The following VSTM2L variants were observed in gnomAD, a reference collection of about 807,000 sequenced individuals.
VSTM2L encodes V-set and transmembrane domain containing 2 like.
Under a neutral mutation model 19.9 loss-of-function variants are expected in VSTM2L, and 9 were observed. The observed-to-expected ratio is 0.45, with a 90% confidence interval of 0.27 to 0.79. VSTM2L has a LOEUF of 0.79. VSTM2L is among the 30% of genes least tolerant of loss of function. The pLI is 0.15. For synonymous variants in VSTM2L, 127 were observed against 133.8 expected, an observed-to-expected ratio of 0.95 and a Z score of 0.35; for missense variants, 286 against 295.5, an observed-to-expected ratio of 0.97 and a Z score of 0.24.
At chr20:37,932,995 T>C (rs545263251) in intron 2 of VSTM2L, among the ~76,000 whole-genome samples, 1 of 152,380 alleles carries the variant, frequency 6.6e-6, no homozygotes, top group East Asian at 1.9e-4. Flanking sequence ...CTTCCAGCCC[T>C]GCCACATGCA....
chr20:37,912,644 C>G (rs6021827), intron 1 of VSTM2L, among the ~76,000 whole-genome samples: 3 of 152,198 alleles, frequency 2.0e-5, no homozygotes, highest in African/African-American at 7.2e-5. Flanking sequence ...TCCCTGCCAC[C>G]TGCACACTGG....
At chr20:37,904,346 C>T (rs746261603) in intron 1 of VSTM2L, among the ~76,000 whole-genome samples, 39 of 152,230 alleles carry the variant, frequency 2.6e-4, no homozygotes, top group Non-Finnish European at 4.7e-4. Flanking sequence ...CATCCTCGGC[C>T]CTAGAGGACT....
chr20:37,906,296 G>A (rs181624945), intron 1 of VSTM2L, among the ~76,000 whole-genome samples: 30 of 152,164 alleles, frequency 2.0e-4, no homozygotes, highest in African/African-American at 6.8e-4. Context: ...GGGCTTTTTC[G>A]AGGTGTGAGG....
At chr20:37,943,285 G>A (rs938975722) in intron 3 of VSTM2L, among the ~76,000 whole-genome samples, 7 of 150,598 alleles carry the variant, frequency 4.6e-5, no homozygotes, top group African/African-American at 1.7e-4. Flanking sequence ...GGCCTGGTTT[G>A]GTTTTTAAAA....
At chr20:37,904,462 A>C (rs934778281) in intron 1 of VSTM2L, among the ~76,000 whole-genome samples, 1 of 152,238 alleles carries the variant, frequency 6.6e-6, no homozygotes, top group African/African-American at 2.4e-5. Flanking sequence ...GCCCCGAAGG[A>C]GCCCAAGTTG....
chr20:37,911,257 A>AAG (rs58834461), intron 1 of VSTM2L, among the ~76,000 whole-genome samples: 21,676 of 129,176 alleles, frequency 0.17, 2,082 homozygotes, highest in African/African-American at 0.35. Flanking sequence ...AAAAAAAAAA[A>AAG]AAGCTGGGAT....
intron 1 of VSTM2L, among the ~76,000 whole-genome samples, chr20:37,906,151 C>T (rs909307283): frequency 2.6e-5 from 4 of 151,968 alleles, no homozygotes; most frequent in Non-Finnish European, 4.4e-5. Context: ...GAGCCCAGCC[C>T]GGCCGCCGGG....
intron 1 of VSTM2L, among the ~76,000 whole-genome samples, chr20:37,928,741 C>A (rs544167695): frequency 6.6e-6 from 1 of 152,224 alleles, no homozygotes; most frequent in African/African-American, 2.4e-5. Context: ...GACAACAGAG[C>A]GAGACCCTGT....
chr20:37,915,842 G>A (rs1289647559), intron 1 of VSTM2L, among the ~76,000 whole-genome samples: 1 of 152,092 alleles, frequency 6.6e-6, no homozygotes, highest in Non-Finnish European at 1.5e-5. Flanking sequence ...CACCCTCAGA[G>A]CCTCTGTTCT....
intron 1 of VSTM2L, among the ~76,000 whole-genome samples, chr20:37,930,334 A>G (rs1299825778): frequency 6.6e-6 from 1 of 152,020 alleles, no homozygotes; most frequent in Admixed American, 6.6e-5. Flanking sequence ...CTCCTAGCCC[A>G]GGACTCCCTC....
At chr20:37,911,235 C>CA (rs11352183) in intron 1 of VSTM2L, among the ~76,000 whole-genome samples, 1,961 of 44,630 alleles carry the variant, frequency 0.044, 58 homozygotes, top group East Asian at 0.12. Flanking sequence ...GACTCCATCT[C>CA]AAAAAAAAAA....
At chr20:37,922,497 A>T (rs2072857238) in intron 1 of VSTM2L, among the ~76,000 whole-genome samples, 1 of 152,108 alleles carries the variant, frequency 6.6e-6, no homozygotes, top group Non-Finnish European at 1.5e-5. Flanking sequence ...CAGTGGGGCC[A>T]CGTTGGTTCT....
intron 3 of VSTM2L, among the ~76,000 whole-genome samples, chr20:37,943,327 T>G (rs2072984343): frequency 6.6e-6 from 1 of 151,982 alleles, no homozygotes; most frequent in African/African-American, 2.4e-5. Context: ...TAGGCTGGAG[T>G]GCAGTGGTGC....
At chr20:37,937,016 T>C (rs975165611) in intron 3 of VSTM2L, among the ~76,000 whole-genome samples, 5 of 151,020 alleles carry the variant, frequency 3.3e-5, no homozygotes, top group African/African-American at 1.2e-4. Context: ...AGGTCAGGAG[T>C]TCGTGACAAG....
chr20:37,933,872 T>C (rs1250740233), intron 3 of VSTM2L, among the ~76,000 whole-genome samples: 1 of 152,198 alleles, frequency 6.6e-6, no homozygotes, highest in African/African-American at 2.4e-5. Flanking sequence ...CTCAGCAGCA[T>C]TTTTTATTTG....
chr20:37,921,145 G>A (rs929877481), intron 1 of VSTM2L, among the ~76,000 whole-genome samples: 13 of 152,180 alleles, frequency 8.5e-5, no homozygotes, highest in Non-Finnish European at 1.3e-4. Context: ...AGGCAGCCTC[G>A]GAGACCTCTG....
At chr20:37,926,570 G>A (rs1410934496) in intron 1 of VSTM2L, among the ~76,000 whole-genome samples, 1 of 152,206 alleles carries the variant, frequency 6.6e-6, no homozygotes, top group African/African-American at 2.4e-5. Context: ...AAATATTTAG[G>A]TTGGCGCAAA....
intron 1 of VSTM2L, among the ~76,000 whole-genome samples, chr20:37,903,832 A>G (rs2072736092): frequency 6.6e-6 from 1 of 151,910 alleles, no homozygotes; most frequent in African/African-American, 2.4e-5. Context: ...AAGCCTTTAC[A>G]CTTATGCCCA....
chr20:37,912,214 G>A (rs931933518), intron 1 of VSTM2L, among the ~76,000 whole-genome samples: 12 of 152,208 alleles, frequency 7.9e-5, no homozygotes, highest in Non-Finnish European at 1.5e-4. Context: ...GCCAGAGTTC[G>A]TAGCCTGCGC....
Sources: gnomAD v4.1 joint callset for allele counts (sites outside exome capture counted in the v4.1 genomes callset) on GRCh38, gnomAD v4.1.1 for gene constraint, MANE v1.5 for transcripts, NCBI Gene and HGNC (gene_info 2026-07-23, HGNC 2026-07-21) for gene names.